PAK5: variants seen among roughly 807,000 people sequenced by gnomAD.
PAK5 encodes the protein p21 (RAC1) activated kinase 5.
Under a neutral mutation model 65.9 loss-of-function variants are expected in PAK5, and 16 were observed. The observed-to-expected ratio is 0.24, with a 90% CI of 0.16 to 0.37. The LOEUF (loss-of-function observed/expected upper bound fraction) is 0.37. Ranked by LOEUF, PAK5 falls within the 10% of genes least tolerant of loss-of-function variation. The probability of loss-of-function intolerance (pLI) is 1.00; values close to 1 mark genes in which losing one functional copy is unlikely to be tolerated. For synonymous variants in PAK5, 371 were observed against 354.9 expected (o/e 1.05, Z -0.51); for missense variants, 785 against 903.9 (o/e 0.87, Z 1.69).
At chr20:9,800,785 A>G (rs1379438462) in intron 1 of PAK5, among the ~76,000 whole-genome samples, 1 of 151,990 alleles carries the variant, frequency 6.6e-6, no homozygotes, top group Non-Finnish European at 1.5e-5. Flanking sequence ...TTAACCCAAC[A>G]TCACAAACAT....
intron 2 of PAK5, among the ~76,000 whole-genome samples, chr20:9,669,950 A>G (rs1258757821): frequency 1.3e-5 from 2 of 151,310 alleles, no homozygotes; most frequent in South Asian, 4.2e-4. Context: ...CAGTCCCCAG[A>G]GTGTGATGTT....
chr20:9,617,409 A>AT (rs2046677493), intron 3 of PAK5, among the ~76,000 whole-genome samples: 1 of 152,148 alleles, frequency 6.6e-6, no homozygotes, highest in Non-Finnish European at 1.5e-5. Flanking sequence ...AGACGATTTT[A>AT]TTTTTATACC....
intron 1 of PAK5, among the ~76,000 whole-genome samples, chr20:9,724,076 G>C (rs921684460): frequency 6.6e-6 from 1 of 152,124 alleles, no homozygotes; most frequent in Non-Finnish European, 1.5e-5. Context: ...AAATGTAGCA[G>C]AAAATTTGTA....
chr20:9,549,317 A>G (rs2045392299), intron 7 of PAK5, among the ~76,000 whole-genome samples: 4 of 152,154 alleles, frequency 2.6e-5, no homozygotes, highest in African/African-American at 9.7e-5. Context: ...GAAGCCCCAC[A>G]AGCATGTGTT....
chr20:9,818,180 T>A (rs776777151), intron 1 of PAK5, among the ~76,000 whole-genome samples: 11 of 152,208 alleles, frequency 7.2e-5, no homozygotes, highest in Non-Finnish European at 1.5e-4. Flanking sequence ...ACTCTCCATA[T>A]CTGATCAGAT....
chr20:9,805,100 T>C (rs2049215781), intron 1 of PAK5, among the ~76,000 whole-genome samples: 2 of 152,040 alleles, frequency 1.3e-5, no homozygotes, highest in Non-Finnish European at 1.5e-5. Context: ...AAAATACAAA[T>C]GGCCAATAAG....
At chr20:9,763,200 T>C (rs976645141) in intron 1 of PAK5, among the ~76,000 whole-genome samples, 5 of 152,126 alleles carry the variant, frequency 3.3e-5, no homozygotes, top group Non-Finnish European at 7.4e-5. Context: ...CTATATAGCA[T>C]AGTACCTATA....
chr20:9,626,385 G>A (rs1019074209), intron 3 of PAK5, among the ~76,000 whole-genome samples: 7 of 152,194 alleles, frequency 4.6e-5, no homozygotes, highest in African/African-American at 1.4e-4. Flanking sequence ...TGCTGTGGCA[G>A]GCTATTTTAA....
At chr20:9,595,654 C>T (rs922454350) in intron 3 of PAK5, among the ~76,000 whole-genome samples, 1 of 152,126 alleles carries the variant, frequency 6.6e-6, no homozygotes, top group African/African-American at 2.4e-5. Flanking sequence ...ACAGATTTAA[C>T]AAAAACATAA....
chr20:9,834,848 T>G (rs1979016962), intron 1 of PAK5, among the ~76,000 whole-genome samples: 1 of 152,152 alleles, frequency 6.6e-6, no homozygotes, highest in East Asian at 1.9e-4. Context: ...TCCAGAAGAC[T>G]GAAAGTCTAG....
chr20:9,562,905 A>G lies in PAK5; in HGVS notation c.1602T>C (p.Ile534=). 6.2e-7 allele frequency: 1 copy of G among 1,613,704 alleles called. No individual in the cohort carries two copies. ...EFLEGGALTD[I]VTHTRMNEEQ... is the part of the protein sequence containing the mutation. The stretch of plus-strand genomic sequence containing the variant: ...AAGAAGCCTACCTGGTGTGAGTCAC[A>G]ATGTCTGTCAAGGCACCACCTTCTA... Residue 534 remains isoleucine (I), a synonymous_variant, in exon 6 of 10, where the codon ATT becomes ATC. Transcript: ENST00000353224.
intron 1 of PAK5, among the ~76,000 whole-genome samples, chr20:9,759,345 C>G (rs2048671746): frequency 6.6e-6 from 1 of 152,044 alleles, no homozygotes; most frequent in Non-Finnish European, 1.5e-5. Context: ...GATAAGTGTT[C>G]CTCTGTTTGC....
intron 1 of PAK5, among the ~76,000 whole-genome samples, chr20:9,717,847 T>A (rs1396422762): frequency 6.6e-6 from 1 of 152,218 alleles, no homozygotes; most frequent in Non-Finnish European, 1.5e-5. Context: ...CTCAAACTCC[T>A]GACCTCAGGT....
intron 4 of PAK5, among the ~76,000 whole-genome samples, chr20:9,572,763 T>C (rs1231710087): frequency 6.6e-6 from 1 of 152,160 alleles, no homozygotes; most frequent in African/African-American, 2.4e-5. Context: ...AGAGCAAGGG[T>C]GGGAAACTGC....
intron 2 of PAK5, among the ~76,000 whole-genome samples, chr20:9,706,036 T>C (rs1235496478): frequency 1.3e-5 from 2 of 152,160 alleles, no homozygotes; most frequent in African/African-American, 2.4e-5. Flanking sequence ...TGCTATTCAA[T>C]TGACACAACT....
intron 2 of PAK5, among the ~76,000 whole-genome samples, chr20:9,701,775 G>A (rs558552723): frequency 5.3e-5 from 8 of 152,052 alleles, no homozygotes; most frequent in Non-Finnish European, 8.8e-5. Context: ...GAGGCAGGAG[G>A]ATCACTTAAG....
chr20:9,551,051 G>T (rs1394778927), intron 7 of PAK5, among the ~76,000 whole-genome samples: 1 of 152,076 alleles, frequency 6.6e-6, no homozygotes, highest in African/African-American at 2.4e-5. Flanking sequence ...TGGAAGTGAG[G>T]CCTGTTCTGC....
intron 1 of PAK5, among the ~76,000 whole-genome samples, chr20:9,718,697 AC>A (rs2048179424): frequency 6.6e-6 from 1 of 152,210 alleles, no homozygotes; most frequent in East Asian, 1.9e-4. Flanking sequence ...ATATTTTTTA[AC>A]CTATTGTCTT....
In PAK5 at chr20:9,588,602, G is replaced by A. The variant is rs146126897; in HGVS notation, c.205-7672C>T. The stretch of plus-strand genomic sequence containing the variant: ...TCATAAGTGGCAAAGCAGTAATAAT[G>A]AAAATCCAAACATGCAGAGTTTTCC... On this transcript the variant is annotated intron_variant, in intron 3 of 9. Coordinates refer to ENST00000353224, the MANE Select transcript of PAK5 (RefSeq NM_177990.4). 2.9e-4 allele frequency among the ~76,000 whole-genome samples: 44 copies of A among 152,306 alleles called. 1 individual carries two copies. In the East Asian group the frequency reaches 8.3e-3, roughly 29 times the overall value.
Sources: allele counts gnomAD v4.1 joint callset (sites outside exome capture counted in the v4.1 genomes callset), GRCh38; gene constraint gnomAD v4.1.1; transcripts MANE v1.5; gene names NCBI Gene and HGNC (gene_info 2026-07-23, HGNC 2026-07-21).